The following PRKCH variants were observed in gnomAD, a reference collection of about 807,000 sequenced individuals.
PRKCH encodes the protein protein kinase C eta.
Under a neutral mutation model 82.5 loss-of-function variants are expected in PRKCH, and 28 were observed. The observed-to-expected ratio is 0.34, with a 90% confidence interval of 0.25 to 0.47. The LOEUF is 0.47. Ranked by LOEUF, PRKCH falls within the 20% of genes least tolerant of loss-of-function variation. PRKCH has a pLI of 1.00. For synonymous variants in PRKCH, 322 were observed against 327.4 expected (o/e 0.98, Z 0.18); for missense variants, 705 against 881.8 (o/e 0.80, Z 2.54).
At chr14:61,537,495 T>C (rs1186621151) in intron 12 of PRKCH, 2 of 152,210 alleles carry the variant, frequency 1.3e-5, no homozygotes, top group African/African-American at 2.4e-5. Flanking sequence ...TTAGGGCTTC[T>C]GAGGTTCCAC....
intron 1 of PRKCH, among the ~76,000 whole-genome samples, chr14:61,379,415 TGCAGACTGA>T (rs2046468155): frequency 6.6e-6 from 1 of 152,254 alleles, no homozygotes; most frequent in Non-Finnish European, 1.5e-5. Flanking sequence ...AAAGTTTCCC[TGCAGACTGA>T]GCAATGAATA....
At chr14:61,207,988 G>A (rs2044540715) in intron 1 of PRKCH, among the ~76,000 whole-genome samples, 1 of 152,208 alleles carries the variant, frequency 6.6e-6, no homozygotes, top group Non-Finnish European at 1.5e-5. Context: ...AATACCAAAT[G>A]TATGGCTGTT....
At chr14:61,227,938 C>A (rs1471852286) in intron 1 of PRKCH, among the ~76,000 whole-genome samples, 2 of 152,052 alleles carry the variant, frequency 1.3e-5, no homozygotes, top group South Asian at 4.2e-4. Context: ...TTGCTTCTAC[C>A]CTAAGTGTGG....
At chr14:61,480,021 G>A (rs931000356) in intron 9 of PRKCH, among the ~76,000 whole-genome samples, 12 of 152,224 alleles carry the variant, frequency 7.9e-5, no homozygotes, top group Non-Finnish European at 1.6e-4. Flanking sequence ...CTTTAGAAGT[G>A]ATGTTAAACC....
At chr14:61,464,329 C>G (rs1411494234) in intron 9 of PRKCH, among the ~76,000 whole-genome samples, 1 of 151,192 alleles carries the variant, frequency 6.6e-6, no homozygotes, top group Non-Finnish European at 1.5e-5. Context: ...TGATATTGAG[C>G]ATTTTTTCTA....
chr14:61,420,731 A>G (rs1283469780), intron 2 of PRKCH, among the ~76,000 whole-genome samples: 1 of 152,218 alleles, frequency 6.6e-6, no homozygotes, highest in Non-Finnish European at 1.5e-5. Flanking sequence ...CATTTGATCT[A>G]TCTGCAGATC....
At chr14:61,374,270 C>G (rs77793815) in intron 1 of PRKCH, among the ~76,000 whole-genome samples, 1 of 152,156 alleles carries the variant, frequency 6.6e-6, no homozygotes, top group African/African-American at 2.4e-5. Flanking sequence ...ACAGCCCCTG[C>G]GACTGCTTTC....
At chr14:61,393,272 T>C (rs574713633) in intron 2 of PRKCH, among the ~76,000 whole-genome samples, 38 of 152,198 alleles carry the variant, frequency 2.5e-4, no homozygotes, top group Non-Finnish European at 3.8e-4. Flanking sequence ...TTGATATCAG[T>C]TTTAGAGTCA....
intron 10 of PRKCH, among the ~76,000 whole-genome samples, chr14:61,521,605 T>G (rs2042907820): frequency 6.6e-6 from 1 of 152,106 alleles, no homozygotes; most frequent in South Asian, 2.1e-4. Flanking sequence ...TTTCACTCTG[T>G]TGCCCAGGCT....
intron 10 of PRKCH, among the ~76,000 whole-genome samples, chr14:61,522,833 CT>C (rs1217600571): frequency 6.6e-6 from 1 of 152,228 alleles, no homozygotes; most frequent in African/African-American, 2.4e-5. Context: ...ATGGACAATA[CT>C]AAAGAATGGT....
intron 2 of PRKCH, among the ~76,000 whole-genome samples, chr14:61,426,352 TA>T: frequency 2.4e-5 from 1 of 41,430 alleles, no homozygotes. Context: ...ACAATTTTTT[TA>T]ATGTCAGAAT....
intron 1 of PRKCH, among the ~76,000 whole-genome samples, chr14:61,229,505 G>C (rs2044723948): frequency 6.6e-6 from 1 of 152,170 alleles, no homozygotes; most frequent in Non-Finnish European, 1.5e-5. Flanking sequence ...CTGAGCTCTG[G>C]TTACATAAGC....
At chr14:61,257,581 CCT>C (rs145135094) in intron 1 of PRKCH, among the ~76,000 whole-genome samples, 3 of 147,902 alleles carry the variant, frequency 2.0e-5, no homozygotes, top group Non-Finnish European at 3.0e-5. Flanking sequence ...GATCTTTCTC[CCT>C]CTCTCTCTCT....
At chr14:61,231,574 G>A (rs567571907) in intron 1 of PRKCH, among the ~76,000 whole-genome samples, 14 of 151,994 alleles carry the variant, frequency 9.2e-5, no homozygotes, top group African/African-American at 2.7e-4. Flanking sequence ...GGGTTTCACC[G>A]TGTTAGCCAG....
At chr14:61,441,619 G>T (rs1883976979) in intron 2 of PRKCH, among the ~76,000 whole-genome samples, 1 of 151,664 alleles carries the variant, frequency 6.6e-6, no homozygotes, top group African/African-American at 2.4e-5. Context: ...TTACTGGATT[G>T]TTCATACTTT....
chr14:61,312,060 G>A (rs1032779916), intron 1 of PRKCH, among the ~76,000 whole-genome samples: 2 of 152,144 alleles, frequency 1.3e-5, no homozygotes, highest in South Asian at 2.1e-4. Context: ...TCCCTCCCTC[G>A]ACATGTAGGG....
At chr14:61,339,425 G>A (rs556642583) in intron 1 of PRKCH, among the ~76,000 whole-genome samples, 37 of 148,306 alleles carry the variant, frequency 2.5e-4, no homozygotes, top group African/African-American at 8.7e-4. Flanking sequence ...CCGGGTTCAC[G>A]CCATTCTCCT....
intron 1 of PRKCH, among the ~76,000 whole-genome samples, chr14:61,291,716 G>A (rs2045364452): frequency 1.3e-5 from 2 of 152,308 alleles, no homozygotes; most frequent in Non-Finnish European, 2.9e-5. Context: ...TATATTTCTT[G>A]TAATTGGAGT....
At chr14:61,379,510 G>A (rs1275212473) in intron 1 of PRKCH, among the ~76,000 whole-genome samples, 14 of 152,172 alleles carry the variant, frequency 9.2e-5, no homozygotes, top group Non-Finnish European at 4.4e-5. Flanking sequence ...TCTTGTTTTG[G>A]TTTTGCTGGA....
Sources: gnomAD v4.1 joint callset for allele counts (sites outside exome capture counted in the v4.1 genomes callset) on GRCh38, gnomAD v4.1.1 for gene constraint, MANE v1.5 for transcripts, NCBI Gene and HGNC (gene_info 2026-07-23, HGNC 2026-07-21) for gene names.